RNF141: variants seen among roughly 807,000 people sequenced by gnomAD.
RNF141 encodes the protein C3HC4-like zinc finger protein.
A neutral mutation model predicts 27.4 loss-of-function variants in RNF141; 18 were observed. The ratio of observed to expected loss-of-function variants is 0.66; its 90% CI spans 0.45 to 0.97. The LOEUF (loss-of-function observed/expected upper bound fraction) is 0.97, where lower values mean the gene tolerates loss of function less well. Among genes scored for constraint, RNF141 ranks in the 50% least tolerant of loss-of-function variants. The pLI is 0.00. For synonymous variants in RNF141, 97 were observed against 96.6 expected (o/e 1.00, Z -0.02); for missense variants, 230 against 279.4 (o/e 0.82, Z 1.26).
intron 4 of RNF141, 32 bp from the exon 5 acceptor site, chr11:10,519,173 TA>T: frequency 6.4e-7 from 1 of 1,563,674 alleles, no homozygotes; most frequent in Non-Finnish European, 8.8e-7. Flanking sequence ...GAAACAATTA[TA>T]TTCTCTGTCA....
At chr11:10,516,013 T>C (rs959122188) in intron 5 of RNF141, 11 of 152,352 alleles carry the variant, frequency 7.2e-5, no homozygotes, top group Non-Finnish European at 1.2e-4. Context: ...CAGAGAAAAA[T>C]GTTTTTCTTT....
intron 4 of RNF141, 49 bp from the exon 5 acceptor site, chr11:10,519,190 C>T: frequency 6.6e-7 from 1 of 1,515,994 alleles, no homozygotes; most frequent in African/African-American, 1.4e-5. Flanking sequence ...TGTCATTATG[C>T]TTTATACTTT....
At chr11:10,535,091 CAA>C (rs1168880908) in intron 1 of RNF141, among the ~76,000 whole-genome samples, 1 of 149,350 alleles carries the variant, frequency 6.7e-6, no homozygotes, top group Non-Finnish European at 1.5e-5. Flanking sequence ...ATTTATCCAT[CAA>C]AGACTATCAT....
Position 10,534,214 on chromosome 11 carries a change from T to C in RNF141, c.-47-9A>G. On this transcript the variant is annotated splice_polypyrimidine_tract_variant and intron_variant, in intron 1 of 5. Transcript: ENST00000265981. ...GTTGCTTCACATAGTTTCTGTCAAA[T>C]ATACAGAAAAGTTACTTTTACATAT... 1.3e-6 allele frequency: 2 copies of C among 1,571,776 alleles called. No individual in the cohort carries two copies. Among genetic ancestry groups the C allele is most frequent in the South Asian group, 2.3e-5 (2 of 85,692 alleles).
At position 10,525,258 on chromosome 11, in the gene RNF141, G is replaced by T; in HGVS notation, c.368C>A (p.Thr123Asn). ...TGAGTTTTCATCAGGTTCTTCAGAG[G>T]TGGAGCTCTGTGCCAATACTCCTGC... The part of the protein sequence containing the change: ...QAAGVLAQSS[T>N]SEEPDENSSS... The change falls in exon 4 of 6, where the codon ACC becomes AAC. Residue 123 changes from threonine (T) to asparagine (N), a missense_variant. Transcript: ENST00000265981. The T allele has an allele frequency of 6.2e-7, 1 of 1,612,612 alleles. No homozygotes were observed. The highest frequency in any genetic ancestry group is 1.1e-5 in the South Asian group (1 of 90,894).
intron 2 of RNF141, among the ~76,000 whole-genome samples, chr11:10,531,052 T>C (rs143979854): frequency 6.6e-6 from 1 of 152,130 alleles, no homozygotes; most frequent in African/African-American, 2.4e-5. Flanking sequence ...CAAAGACATT[T>C]AGGAAAAACA....
intron 1 of RNF141, among the ~76,000 whole-genome samples, chr11:10,536,230 AAGT>A (rs1850033476): frequency 6.6e-6 from 1 of 152,156 alleles, no homozygotes; most frequent in Non-Finnish European, 1.5e-5. Context: ...ATTAAAAAAA[AAGT>A]AGGGAAATGG....
chr11:10,525,383 C>T lies in RNF141; in HGVS notation c.253-10G>A. 6.5e-7 allele frequency: 1 copy of T among 1,534,580 alleles called. No individual in the cohort carries two copies. The highest frequency in any genetic ancestry group is 8.8e-7 in the Non-Finnish European group (1 of 1,137,828). ...CACTGCTTTTGTTAATCTAAAAATA[C>T]AAAGAACATGAAAAAGAAAAGTTGA... On this transcript the variant is annotated splice_polypyrimidine_tract_variant and intron_variant, in intron 3 of 5. Transcript: ENST00000265981.
At chr11:10,532,770 G>T (rs1261133017) in intron 2 of RNF141, among the ~76,000 whole-genome samples, 4 of 152,022 alleles carry the variant, frequency 2.6e-5, no homozygotes, top group Non-Finnish European at 5.9e-5. Flanking sequence ...CTACGGAGTG[G>T]GTTCATATAT....
Position 10,512,559 on chromosome 11 carries a change from T to C in RNF141, c.*2357A>G, listed in dbSNP as rs1161886179. On this transcript the variant is annotated 3_prime_UTR_variant, in exon 6 of 6. Transcript: ENST00000265981. The stretch of plus-strand genomic sequence containing the variant: ...GATCCAAAACTCTGTAAGGTAACTC[T>C]GTTCACTTTTCAGAAACATTTTAAA... 6.6e-6 allele frequency: 1 copy of C among 152,520 alleles called. No homozygotes were observed. The highest frequency in any genetic ancestry group is 1.5e-5 in the Non-Finnish European group (1 of 68,038). 9.4% of individuals were successfully genotyped at this position (152,520 alleles called of 1,614,324 possible). A position where few individuals can be genotyped will look rare whatever the true frequency, so the allele number is the denominator to read the frequency against.
chr11:10,522,832 T>C (rs1184920123), intron 4 of RNF141, among the ~76,000 whole-genome samples: 3 of 152,204 alleles, frequency 2.0e-5, no homozygotes, highest in African/African-American at 7.2e-5. Flanking sequence ...AAAAATCCTA[T>C]AAAGCATATA....
Position 10,512,068 on chromosome 11 carries a change from A to G in RNF141, c.*2848T>C, listed in dbSNP as rs1849804942. ...AAACTAAGGTTCTATACATAATCGG[A>G]GTAAACCCTCTGTTACTGAGTTAGG... On this transcript the variant is annotated 3_prime_UTR_variant, in exon 6 of 6. Coordinates refer to ENST00000265981, the MANE Select transcript of RNF141 (RefSeq NM_016422.4). The G allele has an allele frequency of 6.5e-6, 1 of 152,682 alleles. No homozygotes were observed. Among genetic ancestry groups the G allele is most frequent in the Non-Finnish European group, 1.5e-5 (1 of 68,042 alleles). 9.5% of individuals were successfully genotyped at this position (152,682 alleles called of 1,614,324 possible). A position where few individuals can be genotyped will look rare whatever the true frequency, so the allele number is the denominator to read the frequency against.
At chr11:10,535,130 A>G (rs1452827302) in intron 1 of RNF141, among the ~76,000 whole-genome samples, 4 of 151,908 alleles carry the variant, frequency 2.6e-5, no homozygotes, top group South Asian at 4.2e-4. Context: ...TAACAACCAT[A>G]TCACATAAAG....
intron 5 of RNF141, among the ~76,000 whole-genome samples, chr11:10,518,068 G>A (rs777280960): frequency 1.3e-5 from 2 of 152,144 alleles, no homozygotes; most frequent in Admixed American, 6.5e-5. Context: ...TATGTGGATA[G>A]GAAGATGCAC....
chr11:10,535,529 A>G (rs1850027200), intron 1 of RNF141, among the ~76,000 whole-genome samples: 2 of 151,836 alleles, frequency 1.3e-5, no homozygotes, highest in Non-Finnish European at 2.9e-5. Flanking sequence ...ATTTACAGCA[A>G]CTGTATCCAA....
chr11:10,540,698 G>C (rs984305024), intron 1 of RNF141: 1 of 152,148 alleles, frequency 6.6e-6, no homozygotes, highest in Admixed American at 6.5e-5. Flanking sequence ...CCGAGCCCGC[G>C]GGCCACCCTA....
At chr11:10,539,267 T>G (rs1850064028) in intron 1 of RNF141, among the ~76,000 whole-genome samples, 1 of 152,108 alleles carries the variant, frequency 6.6e-6, no homozygotes, top group Non-Finnish European at 1.5e-5. Context: ...CCTAAAAATT[T>G]AAACCATAAT....
At chr11:10,520,401 G>A (rs781258145) in intron 4 of RNF141, among the ~76,000 whole-genome samples, 6 of 151,754 alleles carry the variant, frequency 4.0e-5, no homozygotes, top group African/African-American at 7.3e-5. Flanking sequence ...ACACACATTA[G>A]CCTAGGCCTA....
chr11:10,539,501 G>A (rs1013548024), intron 1 of RNF141, among the ~76,000 whole-genome samples: 6 of 150,666 alleles, frequency 4.0e-5, no homozygotes, highest in Non-Finnish European at 7.4e-5. Flanking sequence ...ACTACTGACT[G>A]GGTCCCTAAG....
Sources: gnomAD v4.1 joint callset for allele counts (sites outside exome capture counted in the v4.1 genomes callset) on GRCh38, gnomAD v4.1.1 for gene constraint, MANE v1.5 for transcripts, NCBI Gene and HGNC (gene_info 2026-07-23, HGNC 2026-07-21) for gene names.